Variants in PDE8A observed in about 807,000 individuals in gnomAD.
PDE8A encodes high affinity cAMP-specific and IBMX-insensitive 3',5'-cyclic phosphodiesterase 8A.
In PDE8A, 59 loss-of-function variants were observed where a neutral mutation model predicts 105.0. The ratio of observed to expected loss-of-function variants is 0.56; its 90% CI spans 0.46 to 0.70. The LOEUF is 0.70. PDE8A is among the 30% of genes least tolerant of loss of function. The pLI is 0.00. For missense variants in PDE8A, 1,014 were observed against 1,045.9 expected, an observed-to-expected ratio of 0.97 and a Z score of 0.42; for synonymous variants, 355 against 371.9, an observed-to-expected ratio of 0.95 and a Z score of 0.52.
At chr15:85,006,538 C>T (rs1043326502) in intron 1 of PDE8A, among the ~76,000 whole-genome samples, 7 of 152,128 alleles carry the variant, frequency 4.6e-5, no homozygotes, top group East Asian at 1.9e-4. Context: ...TGATTTGAAA[C>T]GGATATCAGT....
chr15:85,117,667 T>C lies in PDE8A; in HGVS notation c.1562T>C (p.Met521Thr), dbSNP rs2082117319. The C allele has an allele frequency of 2.5e-6, 4 of 1,614,168 alleles. No individual in the cohort carries two copies. Among genetic ancestry groups the C allele is most frequent in the Non-Finnish European group, 3.4e-6 (4 of 1,179,988 alleles). The stretch of plus-strand genomic sequence containing the variant: ...CCTTTGATTTATCTTGGTCTCAAAA[T>C]GTTTGCTCGCTTTGGAATCTGTGAA... ...NRPLIYLGLK[M>T]FARFGICEFL... Residue 521 changes from methionine to threonine, a missense_variant, in exon 17 of 22, where the codon ATG becomes ACG. Transcript: ENST00000394553.
In PDE8A at chr15:85,067,220, G is replaced by C; in HGVS notation, c.434+16G>C. ...CACTGTGCAGGTAAGCCCAAGACTC[G>C]GGCCTAAATAGTCCCATTGGCCTTT... On this transcript the variant is annotated intron_variant, in intron 3 of 21. Coordinates refer to ENST00000394553, the MANE Select transcript of PDE8A (RefSeq NM_002605.3). 1 of 1,590,944 alleles carries C rather than the reference G, an allele frequency of 6.3e-7. No individual in the cohort carries two copies. The highest frequency in any genetic ancestry group is 1.1e-5 in the South Asian group (1 of 88,098).
intron 1 of PDE8A, among the ~76,000 whole-genome samples, chr15:85,005,040 GA>G (rs1440451492): frequency 6.6e-6 from 1 of 151,834 alleles, no homozygotes; most frequent in Non-Finnish European, 1.5e-5. Flanking sequence ...TTTCATCTAG[GA>G]AGTATATAGA....
rs1239725778 is a variant in PDE8A, at chr15:85,138,366, T to C, written c.*463T>C. 6.5e-6 allele frequency: 1 copy of C among 153,090 alleles called. No individual in the cohort carries two copies. The highest frequency in any genetic ancestry group is 2.4e-5 in the African/African-American group (1 of 41,476). The allele number at this position is 153,090 out of a possible 1,614,324, so 9.5% of individuals were successfully genotyped here. ...ACTTGGGAACACTACTGAGAGTGAC[T>C]TCTCTTTTAAAATTGAGTAGCAGAT... On this transcript the variant is annotated 3_prime_UTR_variant, in exon 22 of 22. Transcript: ENST00000394553.
chr15:85,007,080 A>C, intron 1 of PDE8A, among the ~76,000 whole-genome samples: 1 of 152,086 alleles, frequency 6.6e-6, no homozygotes, highest in East Asian at 1.9e-4. Flanking sequence ...ATTGATCTGG[A>C]ATTGGAGTTT....
In PDE8A at chr15:85,138,160, C is replaced by T; in HGVS notation, c.*257C>T. On this transcript the variant is annotated 3_prime_UTR_variant, in exon 22 of 22. Transcript: ENST00000394553. ...AAGGCACATGAGGACCACGGTTTGC[C>T]TCAGTTTCTGGTAAAACACAAGGTC... 2.6e-6 allele frequency: 1 copy of T among 384,800 alleles called. No homozygotes were observed. The highest frequency in any genetic ancestry group is 4.3e-5 in the East Asian group (1 of 23,066). 23.8% of individuals were successfully genotyped at this position (384,800 alleles called of 1,614,324 possible).
Position 85,113,916 on chromosome 15 carries a change from C to A in PDE8A, c.1229C>A (p.Pro410His). The A allele has an allele frequency of 6.2e-7, 1 of 1,613,274 alleles. No homozygotes were observed. The highest frequency in any genetic ancestry group is 8.5e-7 in the Non-Finnish European group (1 of 1,179,164). Residue 410 changes from proline to histidine, a missense_variant, in exon 14 of 22, where the codon CCT becomes CAT. Pro to His is a moderately conservative substitution (Grantham distance 77, BLOSUM62 -2). Coordinates refer to ENST00000394553, the MANE Select transcript of PDE8A (RefSeq NM_002605.3). ...INAAQESSPM[P>H]VTEALDRVLE... ...GCTGCCCAGGAAAGTAGTCCCATGC[C>A]TGTGACAGAAGCCCTAGACCGTGTG...
intron 6 of PDE8A, 115 bp downstream of exon 6, chr15:85,083,759 A>G: frequency 1.5e-6 from 1 of 689,414 alleles, no homozygotes; most frequent in Admixed American, 2.2e-5. Flanking sequence ...GGGATTGGAG[A>G]GAATGGAGTG....
intron 6 of PDE8A, among the ~76,000 whole-genome samples, chr15:85,088,251 C>T (rs1212525580): frequency 6.6e-6 from 1 of 152,216 alleles, no homozygotes; most frequent in African/African-American, 2.4e-5. Context: ...TCTTGAACTG[C>T]TGACCTCAGG....
intron 1 of PDE8A, 22 bp from the exon 2 acceptor site, chr15:85,064,348 T>C: frequency 6.3e-7 from 1 of 1,583,148 alleles, no homozygotes; most frequent in Non-Finnish European, 8.6e-7. Context: ...TTTTCATTTT[T>C]AAGCCAATCT....
intron 3 of PDE8A, among the ~76,000 whole-genome samples, chr15:85,070,521 C>T (rs973944751): frequency 2.0e-5 from 3 of 152,032 alleles, no homozygotes; most frequent in Non-Finnish European, 2.9e-5. Flanking sequence ...AAGAGGGCTT[C>T]GCAAGAGGAT....
chr15:85,090,526 A>G (rs969559666), intron 7 of PDE8A, among the ~76,000 whole-genome samples: 1 of 152,194 alleles, frequency 6.6e-6, no homozygotes, highest in Non-Finnish European at 1.5e-5. Context: ...CCTGCTTTCC[A>G]TACACATCAT....
intron 12 of PDE8A, among the ~76,000 whole-genome samples, chr15:85,112,348 T>TTA (rs1355322195): frequency 1.3e-5 from 2 of 152,210 alleles, no homozygotes; most frequent in Non-Finnish European, 2.9e-5. Context: ...GAATACCTTG[T>TTA]TATTAATTGT....
chr15:85,118,730 C>A (rs1486001890), intron 17 of PDE8A, among the ~76,000 whole-genome samples: 1 of 152,226 alleles, frequency 6.6e-6, no homozygotes, highest in African/African-American at 2.4e-5. Flanking sequence ...CTGCCCTTGA[C>A]CTGTTGCTCC....
At chr15:85,086,899 T>C (rs67881905) in intron 6 of PDE8A, among the ~76,000 whole-genome samples, 13,459 of 152,070 alleles carry the variant, frequency 0.089, 1,656 homozygotes, top group African/African-American at 0.28. Context: ...TACAGAGGTA[T>C]GTGCCACCAG....
intron 3 of PDE8A, among the ~76,000 whole-genome samples, chr15:85,072,409 A>G (rs774661247): frequency 1.3e-5 from 2 of 152,286 alleles, no homozygotes; most frequent in African/African-American, 2.4e-5. Flanking sequence ...TCTTTTCCTA[A>G]TAACAGAATC....
At chr15:85,130,692 C>T (rs2082318615) in intron 20 of PDE8A, among the ~76,000 whole-genome samples, 1 of 152,162 alleles carries the variant, frequency 6.6e-6, no homozygotes, top group South Asian at 2.1e-4. Context: ...TTTCTTCCTT[C>T]AGTTCTATAA....
At chr15:85,085,675 C>CAAA (rs34469124) in intron 6 of PDE8A, among the ~76,000 whole-genome samples, 1 of 115,376 alleles carries the variant, frequency 8.7e-6, no homozygotes. Context: ...GACTCTGTCT[C>CAAA]AAAAAAAAAA....
intron 20 of PDE8A, among the ~76,000 whole-genome samples, chr15:85,131,089 C>G (rs1596549139): frequency 1.3e-5 from 2 of 152,258 alleles, no homozygotes; most frequent in Admixed American, 1.3e-4. Flanking sequence ...TTTATTTTGT[C>G]TTTTAGGATA....
Sources: allele counts gnomAD v4.1 joint callset (sites outside exome capture counted in the v4.1 genomes callset), GRCh38; gene constraint gnomAD v4.1.1; transcripts MANE v1.5; gene names NCBI Gene and HGNC (gene_info 2026-07-23, HGNC 2026-07-21).